ANKRD22: variants seen among roughly 807,000 people sequenced by gnomAD.
The protein encoded by ANKRD22 is ankyrin repeat domain 22.
In ANKRD22, 24 loss-of-function variants were observed where a neutral mutation model predicts 25.7. That is an observed-to-expected ratio of 0.93 (90% CI 0.68 to 1.31). The LOEUF (loss-of-function observed/expected upper bound fraction) is 1.31, where lower values mean the gene tolerates loss of function less well. Ranked by LOEUF, ANKRD22 falls within the 50% of genes most tolerant of loss-of-function variation. The pLI is 0.00. For missense variants in ANKRD22, 214 were observed against 227.1 expected, an observed-to-expected ratio of 0.94 and a Z score of 0.37; for synonymous variants, 84 against 84.3, an observed-to-expected ratio of 1.00 and a Z score of 0.02.
At position 88,826,018 on chromosome 10, in the gene ANKRD22, G is replaced by T; in HGVS notation, c.399+20C>A. 6.3e-7 allele frequency: 1 copy of T among 1,585,278 alleles called. No homozygotes were observed. The highest frequency in any genetic ancestry group is 1.1e-5 in the South Asian group (1 of 88,702). On this transcript the variant is annotated intron_variant, in intron 4 of 5. Coordinates refer to ENST00000371930, the MANE Select transcript of ANKRD22 (RefSeq NM_144590.3). Reference sequence around the variant, plus strand: ...ACCATTTTGAATATTTTTTCAAAATGGCTAAAAGTATAAACTTACACAATC... The same window carrying T: ...ACCATTTTGAATATTTTTTCAAAATTGCTAAAAGTATAAACTTACACAATC...
At chr10:88,824,713 CTA>C (rs1843836667) in intron 4 of ANKRD22, among the ~76,000 whole-genome samples, 1 of 135,520 alleles carries the variant, frequency 7.4e-6, no homozygotes, top group South Asian at 2.5e-4. Flanking sequence ...TGCAATATCT[CTA>C]TCTAGAGAGA....
intron 1 of ANKRD22, among the ~76,000 whole-genome samples, chr10:88,843,337 A>G (rs1425795582): frequency 6.6e-6 from 1 of 152,124 alleles, no homozygotes; most frequent in Non-Finnish European, 1.5e-5. Flanking sequence ...TATGATCTTG[A>G]TACCTGCCAA....
intron 1 of ANKRD22, among the ~76,000 whole-genome samples, chr10:88,843,185 C>T (rs1314297824): frequency 6.6e-6 from 1 of 152,136 alleles, no homozygotes; most frequent in Non-Finnish European, 1.5e-5. Context: ...TCTACTTCAC[C>T]TCCTTTTCCT....
intron 1 of ANKRD22, among the ~76,000 whole-genome samples, chr10:88,833,929 C>A (rs953707409): frequency 6.6e-6 from 1 of 152,210 alleles, no homozygotes; most frequent in African/African-American, 2.4e-5. Context: ...GGCTCTGTTA[C>A]TACCTCCCCC....
intron 4 of ANKRD22, among the ~76,000 whole-genome samples, chr10:88,825,011 T>TCACACACACA (rs71022545): frequency 1.4e-4 from 16 of 111,508 alleles, no homozygotes; most frequent in South Asian, 3.4e-4. Flanking sequence ...TCTCTCTCTC[T>TCACACACACA]CACACACACA....
chr10:88,848,874 A>G (rs767154089), intron 1 of ANKRD22, among the ~76,000 whole-genome samples: 2 of 152,122 alleles, frequency 1.3e-5, no homozygotes, highest in Admixed American at 6.6e-5. Flanking sequence ...TGCTCTCCCT[A>G]GGCATTGTAT....
At position 88,851,348 on chromosome 10, in the gene ANKRD22, A is replaced by G. The variant is rs150061870; in HGVS notation, c.21+239T>C. 9.3e-4 allele frequency among the ~76,000 whole-genome samples: 141 copies of G among 152,330 alleles called. 1 individual carries two copies. In the East Asian group the frequency reaches 0.027, roughly 29 times the overall value. On this transcript the variant is annotated intron_variant, in intron 1 of 5. Transcript: ENST00000371930. Reference sequence around the variant, plus strand: ...AACATCCAGATACTATGAAATGTGTATTATATTCATCTCAACTTAGATCTA... The same window carrying G: ...AACATCCAGATACTATGAAATGTGTGTTATATTCATCTCAACTTAGATCTA...
intron 3 of ANKRD22, 67 bp from the exon 4 acceptor site, chr10:88,826,182 T>C (rs1208385683): frequency 7.5e-7 from 1 of 1,334,502 alleles, no homozygotes; most frequent in Non-Finnish European, 1.1e-6. Flanking sequence ...TGCCTGAGAC[T>C]ATTTAATCAA....
chr10:88,834,684 T>TA (rs1480310242), intron 1 of ANKRD22, among the ~76,000 whole-genome samples: 2 of 152,186 alleles, frequency 1.3e-5, no homozygotes, highest in Non-Finnish European at 2.9e-5. Flanking sequence ...CCTGTAATCC[T>TA]AGCACTTTGG....
intron 3 of ANKRD22, among the ~76,000 whole-genome samples, chr10:88,828,253 G>A (rs1843872954): frequency 6.6e-6 from 1 of 152,146 alleles, no homozygotes; most frequent in Non-Finnish European, 1.5e-5. Flanking sequence ...AATATTAGAA[G>A]GGGTGTTTTT....
intron 1 of ANKRD22, among the ~76,000 whole-genome samples, chr10:88,836,051 C>T (rs1237640240): frequency 6.6e-6 from 1 of 152,278 alleles, no homozygotes; most frequent in South Asian, 2.1e-4. Context: ...CCCTTCTGTC[C>T]ATCCTCACTG....
At position 88,821,555 on chromosome 10, in the gene ANKRD22, A is replaced by G. The variant is rs939887268; in HGVS notation, c.*1386T>C. On this transcript the variant is annotated 3_prime_UTR_variant, in exon 6 of 6. Coordinates refer to ENST00000371930, the MANE Select transcript of ANKRD22 (RefSeq NM_144590.3). The stretch of plus-strand genomic sequence containing the variant: ...TTTTTGTCCCCAAGGGTCACCTGGT[A>G]GCTCAGCTCAATGCCAGTGAATCTT... 7.2e-5 allele frequency among the ~76,000 whole-genome samples: 11 copies of G among 152,366 alleles called. No individual in the cohort carries two copies. Among genetic ancestry groups the G allele is most frequent in the African/African-American group, 2.6e-4 (11 of 41,592 alleles).
intron 2 of ANKRD22, among the ~76,000 whole-genome samples, chr10:88,830,613 T>C (rs1843894586): frequency 1.3e-5 from 2 of 152,226 alleles, no homozygotes; most frequent in Non-Finnish European, 2.9e-5. Context: ...CTTCTACTGA[T>C]AAAATCTATT....
At chr10:88,833,614 A>G (rs1413560753) in intron 1 of ANKRD22, among the ~76,000 whole-genome samples, 1 of 152,220 alleles carries the variant, frequency 6.6e-6, no homozygotes, top group Non-Finnish European at 1.5e-5. Flanking sequence ...TAAGTGAACT[A>G]TGTTATACTC....
intron 1 of ANKRD22, among the ~76,000 whole-genome samples, chr10:88,835,442 A>G (rs1328791372): frequency 6.6e-6 from 1 of 152,206 alleles, no homozygotes. Flanking sequence ...GGAACATCAC[A>G]GAGTTTACTT....
intron 4 of ANKRD22, among the ~76,000 whole-genome samples, chr10:88,825,187 A>G (rs1589321955): frequency 1.3e-5 from 2 of 152,220 alleles, no homozygotes; most frequent in Non-Finnish European, 2.9e-5. Context: ...TATGTTAGGC[A>G]TCACAAATAG....
At chr10:88,845,223 T>C (rs1306587010) in intron 1 of ANKRD22, among the ~76,000 whole-genome samples, 2 of 152,114 alleles carry the variant, frequency 1.3e-5, no homozygotes, top group Non-Finnish European at 2.9e-5. Context: ...AATGCGTATG[T>C]TTCTTGAGTG....
At chr10:88,825,009 T>TCACACACA (rs771803296) in intron 4 of ANKRD22, among the ~76,000 whole-genome samples, 1,732 of 132,812 alleles carry the variant, frequency 0.013, 11 homozygotes, top group Non-Finnish European at 0.019. Flanking sequence ...TCTCTCTCTC[T>TCACACACA]CTCACACACA....
intron 4 of ANKRD22, among the ~76,000 whole-genome samples, chr10:88,825,005 T>TCA (rs1483035899): frequency 0.018 from 1,679 of 92,262 alleles, 26 homozygotes; most frequent in African/African-American, 0.045. Flanking sequence ...TCTCTCTCTC[T>TCA]CTCTCTCACA....
Sources: allele counts gnomAD v4.1 joint callset (sites outside exome capture counted in the v4.1 genomes callset), GRCh38; gene constraint gnomAD v4.1.1; transcripts MANE v1.5; gene names NCBI Gene and HGNC (gene_info 2026-07-23, HGNC 2026-07-21).